The following DCP1A variants were observed in gnomAD, a reference collection of about 807,000 sequenced individuals.
The protein encoded by DCP1A is mRNA-decapping enzyme 1A.
Under a neutral mutation model 58.0 loss-of-function variants are expected in DCP1A, and 20 were observed. The ratio of observed to expected loss-of-function variants is 0.34; its 90% CI spans 0.24 to 0.50. The LOEUF is 0.50. DCP1A is among the 20% of genes least tolerant of loss of function. The pLI is 0.98. For missense variants in DCP1A, 613 were observed against 712.2 expected, an observed-to-expected ratio of 0.86 and a Z score of 1.59; for synonymous variants, 285 against 275.1, an observed-to-expected ratio of 1.04 and a Z score of -0.36.
At chr3:53,297,701 C>T (rs1707176172) in intron 6 of DCP1A, among the ~76,000 whole-genome samples, 1 of 152,180 alleles carries the variant, frequency 6.6e-6, no homozygotes, top group Non-Finnish European at 1.5e-5. Context: ...ATAACCACCC[C>T]ATTCTATTAC....
Position 53,285,414 on chromosome 3 carries a change from G to GT in DCP1A, c.*2165dup, listed in dbSNP as rs1268772813. On this transcript the variant is annotated 3_prime_UTR_variant, in exon 10 of 10. Coordinates refer to ENST00000610213, the MANE Select transcript of DCP1A (RefSeq NM_018403.7). The stretch of plus-strand genomic sequence containing the variant: ...GATTCATTCTGGCCTGAACTTCCTG[G>GT]TAATCATGACATGAACTTCTGGCTT... The GT allele has an allele frequency of 6.6e-6, 1 of 152,146 alleles. No individual in the cohort carries two copies. The highest frequency in any genetic ancestry group is 1.5e-5 in the Non-Finnish European group (1 of 68,016). 9.4% of individuals were successfully genotyped at this position (152,146 alleles called of 1,614,324 possible).
chr3:53,329,548 A>G (rs2088947044), intron 3 of DCP1A: 1 of 391,646 alleles, frequency 2.6e-6, no homozygotes, highest in South Asian at 1.4e-4. Context: ...GCAACATATT[A>G]GACTAGTAGA....
intron 4 of DCP1A, 49 bp downstream of exon 4, chr3:53,319,358 T>C: frequency 8.4e-7 from 1 of 1,195,818 alleles, no homozygotes; most frequent in Non-Finnish European, 1.2e-6. Context: ...GGGGATTATT[T>C]TTCATTTCTC....
chr3:53,344,768 C>G (rs782462615), intron 2 of DCP1A, 134 bp downstream of exon 2: 1 of 573,710 alleles, frequency 1.7e-6, no homozygotes. Context: ...TAAGATTTCA[C>G]AGCTAGGGAA....
intron 8 of DCP1A, among the ~76,000 whole-genome samples, chr3:53,290,246 G>A (rs1162155248): frequency 6.6e-6 from 1 of 152,314 alleles, no homozygotes; most frequent in South Asian, 2.1e-4. Context: ...ACAGGCCTGG[G>A]AGGCTTTGTT....
At chr3:53,293,798 C>A (rs1490991472) in intron 6 of DCP1A, among the ~76,000 whole-genome samples, 2 of 152,134 alleles carry the variant, frequency 1.3e-5, no homozygotes, top group Admixed American at 6.5e-5. Flanking sequence ...GGAAAACAAA[C>A]CCAGTTTTGT....
rs1229430337 is a variant in DCP1A at position 53,285,610 on chromosome 3, T to C, written c.*1970A>G. The stretch of plus-strand genomic sequence containing the variant: ...CATTCCTAGCATTAAAGGTGAAAAT[T>C]AGTATGATCACAGACTCTCTTTAGG... On this transcript the variant is annotated 3_prime_UTR_variant, in exon 10 of 10. Transcript: ENST00000610213. 1 of 152,156 alleles carries C rather than the reference T, an allele frequency of 6.6e-6. No homozygotes were observed. The highest frequency in any genetic ancestry group is 6.5e-5 in the Admixed American group (1 of 15,278). 9.4% of individuals were successfully genotyped at this position (152,156 alleles called of 1,614,324 possible).
chr3:53,287,882 T>A (rs1706701365), intron 9 of DCP1A, among the ~76,000 whole-genome samples, 183 bp downstream of exon 9: 2 of 151,998 alleles, frequency 1.3e-5, no homozygotes, highest in Admixed American at 1.3e-4. Context: ...AGCTAGTCTG[T>A]TTTTGTTTTT....
At chr3:53,319,082 T>A (rs990436270) in intron 4 of DCP1A, among the ~76,000 whole-genome samples, 1 of 152,176 alleles carries the variant, frequency 6.6e-6, no homozygotes, top group Non-Finnish European at 1.5e-5. Context: ...CAGAGAAAGA[T>A]TTAATGCCCT....
chr3:53,332,688 C>A (rs1361065590), intron 3 of DCP1A, among the ~76,000 whole-genome samples: 1 of 151,972 alleles, frequency 6.6e-6, no homozygotes, highest in African/African-American at 2.4e-5. Context: ...CACAGTGAAA[C>A]CCCATCTTTA....
At chr3:53,343,698 G>A (rs575981717) in intron 2 of DCP1A, among the ~76,000 whole-genome samples, 4 of 152,276 alleles carry the variant, frequency 2.6e-5, no homozygotes, top group Non-Finnish European at 5.9e-5. Context: ...TGCAAGCTCC[G>A]CCTCCTGGGT....
intron 2 of DCP1A, 48 bp from the exon 3 acceptor site, chr3:53,342,319 G>A (rs1553692624): frequency 7.3e-7 from 1 of 1,364,222 alleles, no homozygotes; most frequent in Non-Finnish European, 1.0e-6. Context: ...CATTTAATCT[G>A]TAGAAATGTT....
chr3:53,327,320 A>C (rs573054865), intron 3 of DCP1A, among the ~76,000 whole-genome samples: 131 of 152,304 alleles, frequency 8.6e-4, no homozygotes, highest in African/African-American at 2.9e-3. Flanking sequence ...TCAGTGATGA[A>C]AATGTCTTAC....
chr3:53,345,744 C>T (rs2089283981), intron 1 of DCP1A, among the ~76,000 whole-genome samples: 1 of 152,110 alleles, frequency 6.6e-6, no homozygotes, highest in East Asian at 1.9e-4. Context: ...ATCTCGATTT[C>T]TTCCAGAAGT....
At chr3:53,341,002 A>G (rs1470008764) in intron 3 of DCP1A, among the ~76,000 whole-genome samples, 1 of 152,164 alleles carries the variant, frequency 6.6e-6, no homozygotes, top group Non-Finnish European at 1.5e-5. Flanking sequence ...GTTAACATTA[A>G]AGCACCACAG....
chr3:53,313,397 T>G (rs1707705908), intron 4 of DCP1A, among the ~76,000 whole-genome samples: 1 of 150,102 alleles, frequency 6.7e-6, no homozygotes, highest in African/African-American at 2.5e-5. Context: ...CCAGCCTGGG[T>G]AACAGAGTGA....
At chr3:53,345,207 T>A (rs1348247456) in intron 1 of DCP1A, among the ~76,000 whole-genome samples, 2 of 152,186 alleles carry the variant, frequency 1.3e-5, no homozygotes, top group Non-Finnish European at 2.9e-5. Context: ...TTTTAATTAG[T>A]AAAGGAGAAA....
chr3:53,295,885 C>T (rs1707105963), intron 6 of DCP1A, among the ~76,000 whole-genome samples: 1 of 150,264 alleles, frequency 6.7e-6, no homozygotes, highest in Admixed American at 6.7e-5. Context: ...ATCACATAAA[C>T]ACCATGTGGT....
chr3:53,346,576 C>G (rs6808423), intron 1 of DCP1A, among the ~76,000 whole-genome samples: 2 of 152,106 alleles, frequency 1.3e-5, no homozygotes, highest in Non-Finnish European at 2.9e-5. Context: ...GGAAATTATG[C>G]TTTTTAAACA....
Sources: allele counts gnomAD v4.1 joint callset (sites outside exome capture counted in the v4.1 genomes callset), GRCh38; gene constraint gnomAD v4.1.1; transcripts MANE v1.5; gene names NCBI Gene and HGNC (gene_info 2026-07-23, HGNC 2026-07-21).